Variants in CLEC2A observed in about 807,000 individuals in gnomAD.
CLEC2A encodes keratinocyte-associated C-type lectin.
Under a neutral mutation model 18.6 loss-of-function variants are expected in CLEC2A, and 19 were observed. That is an observed-to-expected ratio of 1.02 (90% CI 0.71 to 1.50). The LOEUF (loss-of-function observed/expected upper bound fraction) is 1.50. Ranked by LOEUF, CLEC2A falls within the 40% of genes most tolerant of loss-of-function variation. The pLI is 0.00. For synonymous variants in CLEC2A, 74 were observed against 64.0 expected (o/e 1.16, Z -0.75); for missense variants, 190 against 207.9 (o/e 0.91, Z 0.53).
At chr12:9,910,351 A>T (rs1409614044), downstream of CLEC2A, among the ~76,000 whole-genome samples, 2 of 152,158 alleles carry the variant, frequency 1.3e-5, no homozygotes, top group African/African-American at 4.8e-5. Context: ...ATGGTGTCTA[A>T]CTGGAGCAGG....
At chr12:9,877,946 A>G in the CLEC2A span, among the ~76,000 whole-genome samples, 2 of 152,262 alleles carry the variant, frequency 1.3e-5, no homozygotes, top group African/African-American at 2.4e-5. Context: ...CAGTCAGTGT[A>G]TCCAAAGTTG....
the CLEC2A span, among the ~76,000 whole-genome samples, chr12:9,881,077 T>G: frequency 1.3e-5 from 2 of 152,264 alleles, no homozygotes; most frequent in African/African-American, 2.4e-5. Context: ...CTTGCTGATC[T>G]TTTATTTTCC....
At chr12:9,931,282 A>G (rs1565537434) in intron 1 of CLEC2A, among the ~76,000 whole-genome samples, 1 of 152,196 alleles carries the variant, frequency 6.6e-6, no homozygotes. Flanking sequence ...AATTGTGTAA[A>G]ATGTAGACTA....
the CLEC2A span, among the ~76,000 whole-genome samples, chr12:9,889,662 A>G: frequency 0.86 from 121,854 of 142,050 alleles, 50,855 homozygotes; most frequent in Non-Finnish European, 0.92. Flanking sequence ...GTGTGTGTGT[A>G]TATATATGTA....
At chr12:9,913,100 G>T (rs565008448), downstream of CLEC2A, 2 of 161,820 alleles carry the variant, frequency 1.2e-5, no homozygotes, top group African/African-American at 4.8e-5. Flanking sequence ...TCTTACTTGG[G>T]AGATTGCATT....
the CLEC2A span, among the ~76,000 whole-genome samples, chr12:9,878,321 T>C: frequency 1.3e-5 from 2 of 152,206 alleles, no homozygotes; most frequent in Non-Finnish European, 2.9e-5. Context: ...ATCAGATTTA[T>C]TGAGTATCTC....
At chr12:9,878,421 A>G in the CLEC2A span, among the ~76,000 whole-genome samples, 29 of 152,188 alleles carry the variant, frequency 1.9e-4, no homozygotes, top group Admixed American at 1.8e-3. Flanking sequence ...GTCAGCCCAC[A>G]CGGAGTTTGA....
chr12:9,893,519 G>T, the CLEC2A span: 1 of 1,496,126 alleles, frequency 6.7e-7, no homozygotes, highest in Non-Finnish European at 9.0e-7. Flanking sequence ...GTGGATAGAT[G>T]AACACTTTTT....
chr12:9,926,496 A>C (rs991160751), intron 1 of CLEC2A, among the ~76,000 whole-genome samples, 153 bp from the exon 2 acceptor site: 2 of 152,226 alleles, frequency 1.3e-5, no homozygotes, highest in African/African-American at 4.8e-5. Context: ...ACCATCAAAA[A>C]GTGCAAGGAA....
rs182858122 is a variant in CLEC2A, at chr12:9,923,009, T to G, written c.140-777A>C. On this transcript the variant is annotated intron_variant, in intron 2 of 4. Coordinates refer to ENST00000455827, the MANE Select transcript of CLEC2A (RefSeq NM_001130711.2). The stretch of plus-strand genomic sequence containing the variant: ...AGATATAATGTGTTTCAACTCTGTC[T>G]CTGTGCTCTTTTTGTTGTGTTTTGT... Among the ~76,000 whole-genome samples, 132 of 152,296 alleles carry G rather than the reference T, an allele frequency of 8.7e-4. 1 individual carries two copies. The highest frequency in any genetic ancestry group is 3.4e-3 in the Middle Eastern group (1 of 294).
chr12:9,904,126 C>A (rs7135834), intron 4 of CLEC2A, among the ~76,000 whole-genome samples: 227 of 152,102 alleles, frequency 1.5e-3, no homozygotes, highest in African/African-American at 5.4e-3. Flanking sequence ...TTAGGTCTCC[C>A]AGAAATGCTA....
downstream of CLEC2A, among the ~76,000 whole-genome samples, chr12:9,894,490 G>A (rs1394113283): frequency 1.3e-5 from 2 of 152,024 alleles, no homozygotes; most frequent in Non-Finnish European, 2.9e-5. Context: ...CCTGATACCT[G>A]CTTCTTTATC....
At chr12:9,884,081 A>G in the CLEC2A span, among the ~76,000 whole-genome samples, 2 of 152,192 alleles carry the variant, frequency 1.3e-5, no homozygotes, top group Non-Finnish European at 2.9e-5. Flanking sequence ...ATGTCTGCAT[A>G]TAAAAGGAAC....
downstream of CLEC2A, among the ~76,000 whole-genome samples, chr12:9,897,449 T>G (rs1862768774): frequency 6.6e-6 from 1 of 151,930 alleles, no homozygotes; most frequent in Non-Finnish European, 1.5e-5. Flanking sequence ...GATCTTTTGC[T>G]CCTTAGTTCA....
intron 1 of CLEC2A, among the ~76,000 whole-genome samples, chr12:9,930,313 G>A (rs1472141765): frequency 6.6e-6 from 1 of 152,126 alleles, no homozygotes; most frequent in Non-Finnish European, 1.5e-5. Flanking sequence ...GGTAGAGGGG[G>A]TTAGAGCCTC....
chr12:9,914,293 T>C (rs1230749364), intron 4 of CLEC2A, among the ~76,000 whole-genome samples: 4 of 152,014 alleles, frequency 2.6e-5, no homozygotes, highest in African/African-American at 9.7e-5. Flanking sequence ...TTGCCCAAAG[T>C]AATTTAAAGA....
At chr12:9,929,215 A>G (rs528614815) in intron 1 of CLEC2A, among the ~76,000 whole-genome samples, 1 of 152,308 alleles carries the variant, frequency 6.6e-6, no homozygotes, top group Non-Finnish European at 1.5e-5. Context: ...AATATTGCAG[A>G]TACAACTCTT....
At chr12:9,917,288 G>A (rs1863088083) in intron 3 of CLEC2A, among the ~76,000 whole-genome samples, 1 of 152,026 alleles carries the variant, frequency 6.6e-6, no homozygotes, top group African/African-American at 2.4e-5. Context: ...GTGTCATGAA[G>A]GTTTGTTTTA....
chr12:9,882,856 C>A, the CLEC2A span, among the ~76,000 whole-genome samples: 1 of 152,276 alleles, frequency 6.6e-6, no homozygotes, highest in Non-Finnish European at 1.5e-5. Flanking sequence ...AGCTTTTAGC[C>A]TTCTTAAATC....
Sources: gnomAD v4.1 joint callset for allele counts (sites outside exome capture counted in the v4.1 genomes callset) on GRCh38, gnomAD v4.1.1 for gene constraint, MANE v1.5 for transcripts, NCBI Gene and HGNC (gene_info 2026-07-23, HGNC 2026-07-21) for gene names.